SLC25A26: variants seen among roughly 807,000 people sequenced by gnomAD.
The protein encoded by SLC25A26 is solute carrier family 25 member 26, also known as mitochondrial S-adenosylmethionine carrier protein.
A neutral mutation model predicts 37.8 loss-of-function variants in SLC25A26; 36 were observed. That is an observed-to-expected ratio of 0.95 (90% CI 0.73 to 1.26). The LOEUF (loss-of-function observed/expected upper bound fraction) is 1.26. Ranked by LOEUF, SLC25A26 falls within the 50% of genes most tolerant of loss-of-function variation. The pLI, the probability that SLC25A26 is intolerant of heterozygous loss-of-function variation, is 0.00. For missense variants in SLC25A26, 390 were observed against 331.1 expected, an observed-to-expected ratio of 1.18 and a Z score of -1.38; for synonymous variants, 129 against 122.5, an observed-to-expected ratio of 1.05 and a Z score of -0.35.
chr3:66,227,234 A>G (rs1019582435), intron 1 of SLC25A26, among the ~76,000 whole-genome samples: 1 of 152,136 alleles, frequency 6.6e-6, no homozygotes. Context: ...TATTTTTTCT[A>G]GTTACTTATC....
intron 1 of SLC25A26, among the ~76,000 whole-genome samples, chr3:66,215,360 A>C (rs1050802867): frequency 6.6e-6 from 1 of 152,044 alleles, no homozygotes; most frequent in African/African-American, 2.4e-5. Flanking sequence ...GCCACTGTGC[A>C]TGACTAATTA....
chr3:66,309,379 T>C (rs908461872), intron 5 of SLC25A26, among the ~76,000 whole-genome samples: 12 of 152,228 alleles, frequency 7.9e-5, no homozygotes, highest in African/African-American at 2.9e-4. Flanking sequence ...CATTTTTTAT[T>C]GTGTCTATTT....
chr3:66,310,847 C>T (rs2075356651), intron 5 of SLC25A26, among the ~76,000 whole-genome samples: 1 of 152,184 alleles, frequency 6.6e-6, no homozygotes, highest in African/African-American at 2.4e-5. Context: ...TGTAGCGTTT[C>T]TACAGAGAGA....
intron 3 of SLC25A26, among the ~76,000 whole-genome samples, chr3:66,249,400 A>G (rs542955808): frequency 1.3e-5 from 2 of 152,320 alleles, no homozygotes; most frequent in South Asian, 2.1e-4. Context: ...CCCACTGGTT[A>G]AAGGATTGGA....
intron 1 of SLC25A26, among the ~76,000 whole-genome samples, chr3:66,202,513 G>T (rs1444044338): frequency 6.9e-6 from 1 of 145,370 alleles, no homozygotes; most frequent in African/African-American, 2.6e-5. Context: ...ACATGTATCC[G>T]AGAACTTAAA....
At chr3:66,155,804 C>T (rs1386752404) in intron 1 of SLC25A26, among the ~76,000 whole-genome samples, 1 of 152,128 alleles carries the variant, frequency 6.6e-6, no homozygotes, top group Non-Finnish European at 1.5e-5. Flanking sequence ...CTACTTCCCT[C>T]TTCTCCTCTC....
intron 5 of SLC25A26, among the ~76,000 whole-genome samples, chr3:66,308,484 A>G (rs990795410): frequency 6.6e-6 from 1 of 152,070 alleles, no homozygotes; most frequent in Admixed American, 6.6e-5. Flanking sequence ...CTATTTGAAT[A>G]CCCTTTATTT....
At chr3:66,134,044 G>A (rs2069909860) in intron 1 of SLC25A26, 1 of 152,266 alleles carries the variant, frequency 6.6e-6, no homozygotes, top group African/African-American at 2.4e-5. Context: ...GGAAAGAAGG[G>A]CTAGAACATT....
intron 3 of SLC25A26, chr3:66,261,771 T>C: frequency 3.8e-6 from 1 of 262,966 alleles, no homozygotes; most frequent in Non-Finnish European, 7.0e-6. Context: ...TAAATGTGCT[T>C]CTTGCCGTTG....
At chr3:66,370,918 C>G (rs990119453) in intron 9 of SLC25A26, among the ~76,000 whole-genome samples, 1 of 152,140 alleles carries the variant, frequency 6.6e-6, no homozygotes, top group Non-Finnish European at 1.5e-5. Context: ...TGCAGAAATA[C>G]AAGGGAGTGA....
chr3:66,220,535 C>T (rs36137829), upstream of SLC25A26, among the ~76,000 whole-genome samples: 123,540 of 151,816 alleles, frequency 0.81, 51,312 homozygotes, highest in Middle Eastern at 0.92. Flanking sequence ...GGTCAGGAAA[C>T]TTCTGATGTA....
chr3:66,218,578 T>C (rs966476759), upstream of SLC25A26, among the ~76,000 whole-genome samples: 91 of 152,312 alleles, frequency 6.0e-4, no homozygotes, highest in Admixed American at 1.9e-3. Context: ...TATTTAGGCT[T>C]TTGGGTAGTC....
At chr3:66,234,323 T>G (rs1216642005) in intron 1 of SLC25A26, among the ~76,000 whole-genome samples, 1 of 152,230 alleles carries the variant, frequency 6.6e-6, no homozygotes, top group Non-Finnish European at 1.5e-5. Flanking sequence ...ATTGGCCTTT[T>G]TACTTTCCTA....
intron 5 of SLC25A26, among the ~76,000 whole-genome samples, chr3:66,292,345 G>A (rs796308768): frequency 2.1e-4 from 32 of 152,160 alleles, no homozygotes; most frequent in African/African-American, 6.3e-4. Context: ...CTGTTGTTAC[G>A]ATGCTAGGCA....
At chr3:66,291,197 T>C (rs1172605030) in intron 5 of SLC25A26, among the ~76,000 whole-genome samples, 1 of 152,214 alleles carries the variant, frequency 6.6e-6, no homozygotes, top group Non-Finnish European at 1.5e-5. Context: ...TGTTTGATTC[T>C]TCTCTCTTTT....
chr3:66,258,475 G>A (rs1210666951), intron 3 of SLC25A26, among the ~76,000 whole-genome samples: 1 of 152,124 alleles, frequency 6.6e-6, no homozygotes, highest in Non-Finnish European at 1.5e-5. Context: ...CATGGTCCTG[G>A]CACTTGCATC....
intron 5 of SLC25A26, 82 bp downstream of exon 5, chr3:66,263,461 A>T (rs2073613975): frequency 1.2e-6 from 1 of 844,108 alleles, no homozygotes; most frequent in Non-Finnish European, 1.9e-6. Context: ...AACAATTAGA[A>T]ATATATTTGG....
intron 5 of SLC25A26, among the ~76,000 whole-genome samples, chr3:66,337,827 T>A (rs2076124553): frequency 6.6e-6 from 1 of 152,066 alleles, no homozygotes; most frequent in Non-Finnish European, 1.5e-5. Flanking sequence ...AAGCTATCAA[T>A]ATTCTGCCAT....
chr3:66,221,213 C>T (rs1553658236), intron 1 of SLC25A26, 86 bp downstream of exon 1: 2 of 1,391,690 alleles, frequency 1.4e-6, no homozygotes, highest in African/African-American at 1.5e-5. Flanking sequence ...TGGTTTTCTT[C>T]CGGTTTTGCG....
Sources: gnomAD v4.1 joint callset for allele counts (sites outside exome capture counted in the v4.1 genomes callset) on GRCh38, gnomAD v4.1.1 for gene constraint, MANE v1.5 for transcripts, NCBI Gene and HGNC (gene_info 2026-07-23, HGNC 2026-07-21) for gene names.